STYK1: variants seen among roughly 807,000 people sequenced by gnomAD.
STYK1 encodes tyrosine-protein kinase STYK1.
STYK1 carries 46 observed loss-of-function variants against 48.1 expected under a neutral mutation model. The ratio of observed to expected loss-of-function variants is 0.96; its 90% CI spans 0.75 to 1.22. The LOEUF is 1.22. STYK1 is among the 50% of genes most tolerant of loss of function. The pLI, the probability that STYK1 is intolerant of heterozygous loss-of-function variation, is 0.00. For synonymous variants in STYK1, 188 were observed against 189.0 expected (o/e 0.99, Z 0.04); for missense variants, 527 against 521.1 (o/e 1.01, Z -0.11).
chr12:10,633,271 A>T lies in STYK1; in HGVS notation c.187+719T>A, dbSNP rs1255504429. On this transcript the variant is annotated intron_variant, in intron 4 of 10. Coordinates refer to ENST00000075503, the MANE Select transcript of STYK1 (RefSeq NM_018423.3). ...GTTTTGGCGAAGTGGTAGAGATGAA[A>T]ACCTTATTTTAGTGTGTTCAAAAGA... 7.2e-5 allele frequency among the ~76,000 whole-genome samples: 11 copies of T among 152,206 alleles called. 1 individual carries two copies. The highest frequency in any genetic ancestry group is 7.2e-4 in the Admixed American group (11 of 15,288).
chr12:10,633,841 C>T, intron 4 of STYK1, 149 bp downstream of exon 4: 1 of 878,198 alleles, frequency 1.1e-6, no homozygotes, highest in Non-Finnish European at 1.7e-6. Context: ...AGAGATCATC[C>T]CCCTCTCAAC....
At chr12:10,633,891 C>A in intron 4 of STYK1, 99 bp downstream of exon 4, 1 of 1,440,176 alleles carries the variant, frequency 6.9e-7, no homozygotes, top group African/African-American at 1.4e-5. Flanking sequence ...TTGCAGGTAC[C>A]TAGACTTCTA....
At chr12:10,630,500 A>G (rs1947414786) in intron 5 of STYK1, among the ~76,000 whole-genome samples, 1 of 151,530 alleles carries the variant, frequency 6.6e-6, no homozygotes, top group Non-Finnish European at 1.5e-5. Flanking sequence ...TTGTGAAAAA[A>G]TCTGTTTTAA....
chr12:10,655,040 C>T (rs1009021210), intron 1 of STYK1, among the ~76,000 whole-genome samples: 3 of 152,144 alleles, frequency 2.0e-5, no homozygotes, highest in Admixed American at 1.3e-4. Flanking sequence ...TCTGTACAAA[C>T]CAGTTGTAGG....
chr12:10,668,874 G>A (rs748788836), intron 1 of STYK1, among the ~76,000 whole-genome samples: 1 of 152,152 alleles, frequency 6.6e-6, no homozygotes, highest in Non-Finnish European at 1.5e-5. Context: ...AGCACAGTCA[G>A]CTTCTTTAGG....
rs765976353 is a variant in STYK1 at position 10,629,520 on chromosome 12, C to G, written c.606G>C (p.Leu202=). ...MVLEDVAQGD[L]LSFLWTCRRD... ...GCCGACAGGTCCAGAGAAAGCTGAGCAGGTCCCCCTGGGCCACATCCTCCA... is the reference window on the plus strand; with the variant it reads ...GCCGACAGGTCCAGAGAAAGCTGAGGAGGTCCCCCTGGGCCACATCCTCCA... Residue 202 remains leucine (L), a synonymous_variant, in exon 6 of 11, where the codon CTG becomes CTC. Coordinates refer to ENST00000075503, the MANE Select transcript of STYK1 (RefSeq NM_018423.3). 6.2e-6 allele frequency: 10 copies of G among 1,614,054 alleles called. No homozygotes were observed. The African/African-American group carries it at 1.3e-4, about 22-fold the overall frequency.
chr12:10,664,491 G>C (rs1947814196), intron 1 of STYK1, among the ~76,000 whole-genome samples: 1 of 152,088 alleles, frequency 6.6e-6, no homozygotes, highest in South Asian at 2.1e-4. Flanking sequence ...ACAGAACAGA[G>C]AGTTCTATGC....
rs144890750 is a variant in STYK1 at position 10,636,767 on chromosome 12, T to C, written c.-69+304A>G. ...GCAGCCAGTTTAACCAGTTTGGCTT[T>C]CTGAGGAGGAGGTTCTCAGCACACT... On this transcript the variant is annotated intron_variant, in intron 2 of 10. Coordinates refer to ENST00000075503, the MANE Select transcript of STYK1 (RefSeq NM_018423.3). 3.6e-3 allele frequency among the ~76,000 whole-genome samples: 551 copies of C among 152,304 alleles called. 3 individuals carry two copies. Among genetic ancestry groups the C allele is most frequent in the African/African-American group, 0.013 (529 of 41,558 alleles).
intron 1 of STYK1, among the ~76,000 whole-genome samples, chr12:10,648,971 A>T (rs1947630401): frequency 6.6e-6 from 1 of 152,218 alleles, no homozygotes; most frequent in South Asian, 2.1e-4. Context: ...TATGAAAAAT[A>T]ACTTGGCACT....
intron 1 of STYK1, among the ~76,000 whole-genome samples, chr12:10,644,059 T>C (rs1565567040): frequency 6.6e-6 from 1 of 152,216 alleles, no homozygotes. Flanking sequence ...TTAAGGACTT[T>C]ATGCTGAGTG....
chr12:10,667,747 T>C (rs879796620), intron 1 of STYK1, among the ~76,000 whole-genome samples: 12 of 152,168 alleles, frequency 7.9e-5, no homozygotes, highest in Non-Finnish European at 1.6e-4. Flanking sequence ...GGGAAGCACA[T>C]AATGCTCAGA....
intron 2 of STYK1, among the ~76,000 whole-genome samples, chr12:10,636,670 TATC>T (rs1481441404): frequency 1.3e-5 from 2 of 152,170 alleles, no homozygotes; most frequent in Admixed American, 6.5e-5. Flanking sequence ...TCACTGCTAT[TATC>T]ATTCTTATTT....
At chr12:10,655,495 G>T (rs550878661) in intron 1 of STYK1, among the ~76,000 whole-genome samples, 1 of 152,248 alleles carries the variant, frequency 6.6e-6, no homozygotes, top group East Asian at 1.9e-4. Context: ...TGGCATCCCT[G>T]GTTCAGCGTT....
intron 1 of STYK1, among the ~76,000 whole-genome samples, chr12:10,658,603 A>T (rs1947743992): frequency 1.3e-5 from 2 of 152,170 alleles, no homozygotes; most frequent in Admixed American, 6.5e-5. Context: ...ATGGTAAATT[A>T]TGTCTTTTTC....
chr12:10,647,684 G>T (rs1032145695), intron 1 of STYK1, among the ~76,000 whole-genome samples: 4 of 152,168 alleles, frequency 2.6e-5, no homozygotes, highest in Non-Finnish European at 5.9e-5. Context: ...TGTTTTGGCT[G>T]TGTCCCCACC....
At position 10,620,110 on chromosome 12, in the gene STYK1, T is replaced by C. The variant is rs759663851; in HGVS notation, c.*34A>G. The C allele has an allele frequency of 1.9e-5, 30 of 1,610,582 alleles. No individual in the cohort carries two copies. Among genetic ancestry groups the C allele is most frequent in the East Asian group, 1.6e-4 (7 of 44,888 alleles). On this transcript the variant is annotated 3_prime_UTR_variant, in exon 11 of 11. Transcript: ENST00000075503. ...TAGAGGAATTGATTCCAAGAACATA[T>C]ACTCATGCATGAATGTTTCTTGCCC...
Position 10,634,029 on chromosome 12 carries a change from T to C in STYK1, c.148A>G (p.Arg50Gly). ...CGCTGCTGTTGAGTTCTTTGTTCTC[T>C]GATAAAAAGCCACAGGATGACCCCA... ...LLGVILWLFI[R>G]EQRTQQQRSG... is the part of the protein sequence containing the mutation. The change falls in exon 4 of 11, where the codon AGA becomes GGA. Residue 50 changes from arginine to glycine, a missense_variant. By Grantham distance (125) the Arg-to-Gly change is moderately radical. Coordinates refer to ENST00000075503, the MANE Select transcript of STYK1 (RefSeq NM_018423.3). 1 of 1,614,136 alleles carries C rather than the reference T, an allele frequency of 6.2e-7. No homozygotes were observed.
Position 10,631,282 on chromosome 12 carries a change from C to T in STYK1, c.214G>A (p.Asp72Asn), listed in dbSNP as rs141588195. Residue 72 changes from aspartate (D) to asparagine (N), a missense_variant, in exon 5 of 11, where the codon GAC becomes AAC. By Grantham distance (23) the Asp-to-Asn change is conservative. Transcript: ENST00000075503. ...CCATGTCCTGCTTCCCAGCTTAGGT[C>T]CCTAGGTGGAGGAACAGGGGCAATG... ...QGIAPVPPPR[D>N]LSWEAGHGGN... is the part of the protein sequence containing the mutation. The T allele has an allele frequency of 1.2e-6, 2 of 1,614,052 alleles. No homozygotes were observed. Among genetic ancestry groups the T allele is most frequent in the South Asian group, 1.1e-5 (1 of 91,084 alleles).
chr12:10,635,525 A>G (rs1490472084), intron 2 of STYK1, among the ~76,000 whole-genome samples: 11 of 152,230 alleles, frequency 7.2e-5, no homozygotes. Context: ...CATTGCTACA[A>G]GGATATAAAG....
Sources: allele counts gnomAD v4.1 joint callset (sites outside exome capture counted in the v4.1 genomes callset), GRCh38; gene constraint gnomAD v4.1.1; transcripts MANE v1.5; gene names NCBI Gene and HGNC (gene_info 2026-07-23, HGNC 2026-07-21).